The following EXOC6B variants were observed in gnomAD, a reference collection of about 807,000 sequenced individuals.
EXOC6B encodes the protein exocyst complex component 6B, also known as SEC15 homolog B.
In EXOC6B, 54 loss-of-function variants were observed where a neutral mutation model predicts 113.5. The observed-to-expected ratio is 0.48, with a 90% CI of 0.38 to 0.60. The LOEUF (loss-of-function observed/expected upper bound fraction) is 0.60. Among genes scored for constraint, EXOC6B ranks in the 20% least tolerant of loss-of-function variants. The probability of loss-of-function intolerance (pLI) is 0.00; values close to 1 mark genes in which losing one functional copy is unlikely to be tolerated. For missense variants in EXOC6B, 797 were observed against 977.5 expected, an observed-to-expected ratio of 0.82 and a Z score of 2.46; for synonymous variants, 357 against 339.0, an observed-to-expected ratio of 1.05 and a Z score of -0.58.
intron 8 of EXOC6B, among the ~76,000 whole-genome samples, chr2:72,529,550 A>G (rs961204161): frequency 2.6e-5 from 4 of 152,192 alleles, no homozygotes; most frequent in East Asian, 3.8e-4. Context: ...TAATTCTTCT[A>G]TAAATGTTTG....
At chr2:72,737,944 A>G (rs1056954791) in intron 2 of EXOC6B, among the ~76,000 whole-genome samples, 1 of 152,222 alleles carries the variant, frequency 6.6e-6, no homozygotes, top group Non-Finnish European at 1.5e-5. Flanking sequence ...CTATATGTTT[A>G]GAACATTTCT....
At chr2:72,534,180 A>G (rs1024273279) in intron 8 of EXOC6B, among the ~76,000 whole-genome samples, 4 of 152,314 alleles carry the variant, frequency 2.6e-5, no homozygotes, top group Middle Eastern at 6.8e-3. Context: ...GCTTACGGCT[A>G]TAACTATGTA....
At chr2:72,226,237 A>G (rs958073181) in intron 20 of EXOC6B, among the ~76,000 whole-genome samples, 6 of 152,240 alleles carry the variant, frequency 3.9e-5, no homozygotes, top group African/African-American at 1.4e-4. Context: ...GCATTAGTAG[A>G]AAAACTAATG....
intron 20 of EXOC6B, among the ~76,000 whole-genome samples, chr2:72,251,688 G>A (rs1391632830): frequency 6.6e-6 from 1 of 152,198 alleles, no homozygotes; most frequent in Admixed American, 6.5e-5. Flanking sequence ...TTCCTACAGA[G>A]AATGTATTGA....
intron 1 of EXOC6B, among the ~76,000 whole-genome samples, chr2:72,809,648 A>C (rs912982382): frequency 4.6e-5 from 7 of 152,226 alleles, no homozygotes; most frequent in Non-Finnish European, 1.0e-4. Flanking sequence ...GAAAAGATAA[A>C]ATTGACAAAT....
chr2:72,426,904 G>A (rs554326355), intron 18 of EXOC6B, among the ~76,000 whole-genome samples: 8 of 152,338 alleles, frequency 5.3e-5, no homozygotes, highest in South Asian at 2.1e-4. Flanking sequence ...CAGAAATGGC[G>A]GCAGTGGGTC....
In EXOC6B at chr2:72,222,499, G is replaced by C. The variant is rs932844932; in HGVS notation, c.2197-38312C>G. On this transcript the variant is annotated intron_variant, in intron 20 of 21. Transcript: ENST00000272427. ...AAACCTTGTATATTTGAGTGTCACTGTATCTAGTTATTGATAATCTCAAAA... is the reference window on the plus strand; with the variant it reads ...AAACCTTGTATATTTGAGTGTCACTCTATCTAGTTATTGATAATCTCAAAA... 1.2e-3 allele frequency among the ~76,000 whole-genome samples: 184 copies of C among 152,290 alleles called. 1 individual carries two copies. Among genetic ancestry groups the C allele is most frequent in the African/African-American group, 4.1e-3 (169 of 41,566 alleles).
chr2:72,699,721 T>C (rs893496339), intron 6 of EXOC6B, among the ~76,000 whole-genome samples: 1 of 152,156 alleles, frequency 6.6e-6, no homozygotes, highest in Non-Finnish European at 1.5e-5. Context: ...AACAATGTTA[T>C]AGTACTGAAA....
intron 20 of EXOC6B, among the ~76,000 whole-genome samples, chr2:72,327,736 C>CT (rs1329109397): frequency 6.6e-5 from 10 of 152,064 alleles, no homozygotes; most frequent in Admixed American, 6.6e-5. Context: ...AGTTAAGAAG[C>CT]TGGTATGAAG....
At chr2:72,224,872 GTATA>G (rs146272644) in intron 20 of EXOC6B, among the ~76,000 whole-genome samples, 1 of 143,944 alleles carries the variant, frequency 6.9e-6, no homozygotes, top group Non-Finnish European at 1.5e-5. Flanking sequence ...ATACGTAAGT[GTATA>G]TATATATATA....
chr2:72,608,420 T>C (rs375801869), intron 6 of EXOC6B, among the ~76,000 whole-genome samples: 13 of 152,288 alleles, frequency 8.5e-5, no homozygotes, highest in African/African-American at 2.9e-4. Context: ...AAGAGTAGTT[T>C]ATAAGCTAAA....
chr2:72,825,857 G>A lies in EXOC6B; in HGVS notation c.54C>T (p.His18=), dbSNP rs1355735508. ...TCTCGATCTCTCGCAGGATCCGCTC[G>A]TGCTCTGCCGCTGTCTCCAGGCTCT... ...EAESLETAAE[H]ERILREIEST... Residue 18 remains histidine (H), a synonymous_variant, in exon 1 of 22, where the codon CAC becomes CAT. Transcript: ENST00000272427. The surrounding 1 kb of genome is among the most constrained non-coding windows in gnomAD (Gnocchi z 4.4). The A allele has an allele frequency of 8.1e-6, 13 of 1,613,436 alleles. No individual in the cohort carries two copies. Among genetic ancestry groups the A allele is most frequent in the Non-Finnish European group, 1.0e-5 (12 of 1,179,728 alleles).
chr2:72,252,293 G>A (rs964331076), intron 20 of EXOC6B, among the ~76,000 whole-genome samples: 5 of 93,868 alleles, frequency 5.3e-5, no homozygotes, highest in South Asian at 2.2e-4. Flanking sequence ...TTCTTCACAC[G>A]TGTGTGTGTG....
chr2:72,578,424 C>T (rs1705007514), intron 6 of EXOC6B, among the ~76,000 whole-genome samples: 3 of 152,080 alleles, frequency 2.0e-5, no homozygotes, highest in Admixed American at 6.6e-5. Flanking sequence ...CCTCCTAATA[C>T]GCTGGGTAAA....
chr2:72,665,417 T>C (rs1675322818), intron 6 of EXOC6B, among the ~76,000 whole-genome samples: 1 of 152,022 alleles, frequency 6.6e-6, no homozygotes, highest in East Asian at 1.9e-4. Flanking sequence ...CAAAGGTCAA[T>C]ATAAAAGAAA....
At chr2:72,484,448 T>C (rs1699301982) in intron 16 of EXOC6B, among the ~76,000 whole-genome samples, 1 of 150,544 alleles carries the variant, frequency 6.6e-6, no homozygotes, top group Non-Finnish European at 1.5e-5. Context: ...GCGCCTGTAG[T>C]CCCAGCTACT....
intron 20 of EXOC6B, among the ~76,000 whole-genome samples, chr2:72,286,113 C>T (rs759137916): frequency 1.5e-4 from 23 of 152,160 alleles, no homozygotes; most frequent in Non-Finnish European, 2.6e-4. Flanking sequence ...AACATACTCT[C>T]ACCATATGAT....
intron 1 of EXOC6B, among the ~76,000 whole-genome samples, chr2:72,791,413 G>A (rs1684668961): frequency 6.6e-6 from 1 of 152,126 alleles, no homozygotes; most frequent in Admixed American, 6.6e-5. Flanking sequence ...AGGCATAGTG[G>A]CACACTCCTG....
At chr2:72,340,637 A>G (rs1246645089) in intron 19 of EXOC6B, among the ~76,000 whole-genome samples, 1 of 152,216 alleles carries the variant, frequency 6.6e-6, no homozygotes, top group African/African-American at 2.4e-5. Context: ...CCAAAATGCC[A>G]GATAAGTAGG....
Sources: allele counts gnomAD v4.1 joint callset (sites outside exome capture counted in the v4.1 genomes callset), GRCh38; gene constraint gnomAD v4.1.1; non-coding constraint Gnocchi (gnomAD v3.1); transcripts MANE v1.5; gene names NCBI Gene and HGNC (gene_info 2026-07-23, HGNC 2026-07-21).